Variants in STK32A observed in about 807,000 individuals in gnomAD.
The protein encoded by STK32A is serine/threonine kinase 32A, also known as serine/threonine-protein kinase 32A.
In STK32A, 41 loss-of-function variants were observed where a neutral mutation model predicts 53.2. The ratio of observed to expected loss-of-function variants is 0.77; its 90% confidence interval spans 0.60 to 1.00. STK32A has a LOEUF of 1.00. Among genes scored for constraint, STK32A ranks in the 50% least tolerant of loss-of-function variants. The pLI, the probability that STK32A is intolerant of heterozygous loss-of-function variation, is 0.00. For missense variants in STK32A, 458 were observed against 485.8 expected, an observed-to-expected ratio of 0.94 and a Z score of 0.54; for synonymous variants, 166 against 162.8, an observed-to-expected ratio of 1.02 and a Z score of -0.15.
At chr5:147,343,373 A>G (rs1025525405) in intron 6 of STK32A, 2 of 412,094 alleles carry the variant, frequency 4.9e-6, no homozygotes, top group Admixed American at 3.6e-5. Context: ...TATTTTTTAT[A>G]ATGATACAGA....
intron 1 of STK32A, among the ~76,000 whole-genome samples, chr5:147,237,411 CAAT>C (rs939051905): frequency 2.4e-4 from 37 of 152,128 alleles, no homozygotes; most frequent in African/African-American, 7.7e-4. Flanking sequence ...ATTTTAAATG[CAAT>C]AATAAAGCAC....
At chr5:147,346,943 T>G (rs922036234) in intron 6 of STK32A, among the ~76,000 whole-genome samples, 1 of 152,200 alleles carries the variant, frequency 6.6e-6, no homozygotes, top group African/African-American at 2.4e-5. Flanking sequence ...GCCTTTTCAT[T>G]GCAGAGTCTC....
intron 6 of STK32A, among the ~76,000 whole-genome samples, chr5:147,346,467 A>G (rs1383871513): frequency 6.6e-6 from 1 of 152,220 alleles, no homozygotes; most frequent in Non-Finnish European, 1.5e-5. Flanking sequence ...ACTGACTCAT[A>G]TTCTTTATAT....
chr5:147,337,037 G>A (rs967802548), intron 5 of STK32A, among the ~76,000 whole-genome samples: 23 of 152,146 alleles, frequency 1.5e-4, no homozygotes, highest in African/African-American at 4.8e-4. Context: ...GACTCCAGGG[G>A]AGGCGCAATG....
At chr5:147,259,812 TTC>T (rs1184764429) in intron 2 of STK32A, among the ~76,000 whole-genome samples, 2 of 144,210 alleles carry the variant, frequency 1.4e-5, no homozygotes, top group African/African-American at 2.6e-5. Flanking sequence ...TCTGTCCTGT[TTC>T]TCTCTCTCTC....
At chr5:147,395,603 T>C in the STK32A span, 1 of 1,613,866 alleles carries the variant, frequency 6.2e-7, no homozygotes, top group Admixed American at 1.7e-5. Context: ...CACAGGTGGG[T>C]TCGGCCGAGT....
At chr5:147,400,097 TTAA>T in the STK32A span, among the ~76,000 whole-genome samples, 1 of 152,226 alleles carries the variant, frequency 6.6e-6, no homozygotes, top group African/African-American at 2.4e-5. Flanking sequence ...AGTAATCAAC[TTAA>T]TAATGAGATA....
intron 5 of STK32A, among the ~76,000 whole-genome samples, chr5:147,324,906 G>A (rs1480673123): frequency 1.3e-5 from 2 of 152,058 alleles, no homozygotes; most frequent in Non-Finnish European, 2.9e-5. Context: ...GGCACTCCTA[G>A]GTACTTTATG....
At chr5:147,282,318 C>G (rs77332504) in intron 4 of STK32A, among the ~76,000 whole-genome samples, 476 of 152,232 alleles carry the variant, frequency 3.1e-3, no homozygotes, top group African/African-American at 0.011. Flanking sequence ...CACACACCCC[C>G]ACTGGAGAAG....
intron 2 of STK32A, among the ~76,000 whole-genome samples, chr5:147,246,118 T>C (rs533760272): frequency 2.6e-5 from 4 of 152,338 alleles, no homozygotes; most frequent in Admixed American, 2.0e-4. Flanking sequence ...TATTTTGCAT[T>C]AGAATGGTTG....
intron 6 of STK32A, chr5:147,348,961 G>A (rs1047460359): frequency 2.1e-6 from 1 of 468,170 alleles, no homozygotes; most frequent in Admixed American, 3.3e-5. Flanking sequence ...GCTAGTTAGT[G>A]GTAGAACCTA....
At chr5:147,369,289 G>A (rs1756903537) in intron 8 of STK32A, among the ~76,000 whole-genome samples, 1 of 152,100 alleles carries the variant, frequency 6.6e-6, no homozygotes, top group African/African-American at 2.4e-5. Context: ...ATGGTTCCAT[G>A]AATAGCTGAC....
chr5:147,309,244 C>T (rs571077538), intron 4 of STK32A, among the ~76,000 whole-genome samples: 5 of 152,088 alleles, frequency 3.3e-5, no homozygotes, highest in Non-Finnish European at 7.4e-5. Context: ...TGTGTGTGAG[C>T]TGCTGGGCTT....
At chr5:147,334,479 C>T (rs1291384570) in intron 5 of STK32A, among the ~76,000 whole-genome samples, 1 of 152,118 alleles carries the variant, frequency 6.6e-6, no homozygotes, top group Non-Finnish European at 1.5e-5. Context: ...GAATATTAAC[C>T]CTGGTATCAG....
At chr5:147,305,582 G>C (rs1298371984) in intron 4 of STK32A, among the ~76,000 whole-genome samples, 1 of 151,948 alleles carries the variant, frequency 6.6e-6, no homozygotes, top group Non-Finnish European at 1.5e-5. Flanking sequence ...AAGACCAAAG[G>C]GAGTAAAGGG....
intron 5 of STK32A, among the ~76,000 whole-genome samples, chr5:147,339,485 T>C (rs1025005682): frequency 6.6e-6 from 1 of 152,092 alleles, no homozygotes; most frequent in Admixed American, 6.6e-5. Flanking sequence ...ACACACAGAG[T>C]TCCCACTAGG....
At chr5:147,396,157 C>T in the STK32A span, among the ~76,000 whole-genome samples, 1 of 152,116 alleles carries the variant, frequency 6.6e-6, no homozygotes, top group African/African-American at 2.4e-5. Context: ...CACGAGGTCG[C>T]AGGTCCTGGC....
intron 4 of STK32A, among the ~76,000 whole-genome samples, chr5:147,291,666 T>C (rs1355837907): frequency 6.6e-6 from 1 of 152,200 alleles, no homozygotes; most frequent in Non-Finnish European, 1.5e-5. Context: ...AGACTTGTTG[T>C]AGCAGGAAAT....
At chr5:147,379,984 C>T (rs1298532635) in intron 11 of STK32A, among the ~76,000 whole-genome samples, 2 of 152,082 alleles carry the variant, frequency 1.3e-5, no homozygotes, top group African/African-American at 2.4e-5. Flanking sequence ...AACTTCTCCA[C>T]CTAAAGCAGA....
Sources: allele counts gnomAD v4.1 joint callset (sites outside exome capture counted in the v4.1 genomes callset), GRCh38; gene constraint gnomAD v4.1.1; transcripts MANE v1.5; gene names NCBI Gene and HGNC (gene_info 2026-07-23, HGNC 2026-07-21).